Variants in PARD3B observed in about 807,000 individuals in gnomAD.
The protein encoded by PARD3B is par-3 family cell polarity regulator beta.
Under a neutral mutation model 130.2 loss-of-function variants are expected in PARD3B, and 103 were observed. That is an observed-to-expected ratio of 0.79 (90% CI 0.67 to 0.93). PARD3B has a LOEUF of 0.93. PARD3B is among the 40% of genes least tolerant of loss of function. The pLI is 0.00. For missense variants in PARD3B, 1,609 were observed against 1,499.2 expected (o/e 1.07, Z -1.21); for synonymous variants, 583 against 553.2 (o/e 1.05, Z -0.76).
At chr2:204,822,302 A>G (rs1047458382) in intron 2 of PARD3B, among the ~76,000 whole-genome samples, 3 of 152,242 alleles carry the variant, frequency 2.0e-5, no homozygotes, top group Non-Finnish European at 4.4e-5. Context: ...CAATCTTATG[A>G]TGAAACTATA....
intron 18 of PARD3B, among the ~76,000 whole-genome samples, chr2:205,382,291 A>T (rs544096141): frequency 3.3e-5 from 5 of 152,062 alleles, no homozygotes; most frequent in African/African-American, 1.2e-4. Flanking sequence ...GTTATTTTGT[A>T]AAATGTCACT....
chr2:205,202,095 A>G (rs1305262071), intron 15 of PARD3B, among the ~76,000 whole-genome samples: 2 of 152,190 alleles, frequency 1.3e-5, no homozygotes, highest in South Asian at 4.1e-4. Flanking sequence ...CTTTCAAAAC[A>G]TTAAGAAAAC....
intron 2 of PARD3B, among the ~76,000 whole-genome samples, chr2:204,714,894 C>T (rs2038646273): frequency 6.6e-6 from 1 of 152,108 alleles, no homozygotes; most frequent in South Asian, 2.1e-4. Context: ...TCATTTTAAG[C>T]TATACAACAG....
At chr2:204,704,747 A>T (rs1015929006) in intron 2 of PARD3B, among the ~76,000 whole-genome samples, 19 of 151,966 alleles carry the variant, frequency 1.3e-4, no homozygotes, top group Non-Finnish European at 2.6e-4. Context: ...GGGGCCACTA[A>T]TTTTTTTCCT....
intron 2 of PARD3B, among the ~76,000 whole-genome samples, chr2:204,824,517 CTCTATTT>C (rs1440753819): frequency 6.6e-6 from 1 of 152,126 alleles, no homozygotes; most frequent in Non-Finnish European, 1.5e-5. Context: ...CTTGAACTAT[CTCTATTT>C]GAGTACATCA....
chr2:205,429,407 T>TC (rs2047252614), intron 19 of PARD3B, among the ~76,000 whole-genome samples: 1 of 152,172 alleles, frequency 6.6e-6, no homozygotes, highest in Non-Finnish European at 1.5e-5. Context: ...TGCAGAAGAA[T>TC]CCCAGCTAAT....
intron 18 of PARD3B, among the ~76,000 whole-genome samples, chr2:205,365,808 G>C (rs1016382305): frequency 1.3e-5 from 2 of 152,024 alleles, no homozygotes; most frequent in Non-Finnish European, 2.9e-5. Flanking sequence ...TTTAAGATAG[G>C]CTTCAGATGA....
chr2:205,410,965 T>G (rs866598469), intron 19 of PARD3B, among the ~76,000 whole-genome samples: 7 of 152,158 alleles, frequency 4.6e-5, no homozygotes, highest in South Asian at 2.1e-4. Flanking sequence ...ATTTACAAAC[T>G]CCAAACTTTG....
At chr2:205,048,224 A>C (rs963093865) in intron 4 of PARD3B, 2 of 152,226 alleles carry the variant, frequency 1.3e-5, no homozygotes, top group Non-Finnish European at 2.9e-5. Context: ...GTACATTTTC[A>C]AGCTCCCAAT....
At chr2:205,331,504 G>A (rs568741222) in intron 18 of PARD3B, among the ~76,000 whole-genome samples, 30 of 152,032 alleles carry the variant, frequency 2.0e-4, no homozygotes, top group Middle Eastern at 3.4e-3. Flanking sequence ...GTGTTGGGCC[G>A]GGCGTGGTGG....
chr2:204,807,964 TG>T (rs1429019018), intron 2 of PARD3B, among the ~76,000 whole-genome samples: 1 of 151,974 alleles, frequency 6.6e-6, no homozygotes, highest in East Asian at 1.9e-4. Context: ...AGAGTATAAC[TG>T]GCATGTCTGT....
intron 2 of PARD3B, among the ~76,000 whole-genome samples, chr2:204,928,917 A>C (rs540596578): frequency 6.6e-6 from 1 of 152,250 alleles, no homozygotes; most frequent in African/African-American, 2.4e-5. Flanking sequence ...ACAGTATCTT[A>C]GATGAAAATA....
At chr2:205,062,233 CAATGTATGATAA>C (rs1416213224) in intron 4 of PARD3B, among the ~76,000 whole-genome samples, 1 of 151,958 alleles carries the variant, frequency 6.6e-6, no homozygotes, top group Non-Finnish European at 1.5e-5. Context: ...ATTTTTAAAG[CAATGTATGATAA>C]TACGTTCGTT....
At chr2:204,988,354 G>A (rs1411017748) in intron 3 of PARD3B, among the ~76,000 whole-genome samples, 2 of 152,228 alleles carry the variant, frequency 1.3e-5, no homozygotes, top group East Asian at 1.9e-4. Context: ...AGGTAGTGGG[G>A]GGCATGTGGA....
chr2:204,553,398 G>A (rs2030615200), intron 1 of PARD3B, among the ~76,000 whole-genome samples: 1 of 151,438 alleles, frequency 6.6e-6, no homozygotes, highest in Non-Finnish European at 1.5e-5. Flanking sequence ...CCCACTACTG[G>A]GTATCTACCT....
intron 21 of PARD3B, among the ~76,000 whole-genome samples, chr2:205,522,726 A>ATTAT (rs2051133582): frequency 6.6e-6 from 1 of 152,142 alleles, no homozygotes. Context: ...GTCAGCACCG[A>ATTAT]TTATTATACA....
chr2:204,763,783 T>G (rs2041012257), intron 2 of PARD3B, among the ~76,000 whole-genome samples: 1 of 152,236 alleles, frequency 6.6e-6, no homozygotes, highest in African/African-American at 2.4e-5. Flanking sequence ...ATATATGTGA[T>G]AAATGCACTG....
At chr2:204,915,895 TA>T in intron 2 of PARD3B, among the ~76,000 whole-genome samples, 1 of 152,332 alleles carries the variant, frequency 6.6e-6, no homozygotes, top group South Asian at 2.1e-4. Flanking sequence ...ATGGAATAAT[TA>T]AAAATTCATT....
intron 1 of PARD3B, among the ~76,000 whole-genome samples, chr2:204,609,993 T>C (rs947336541): frequency 6.6e-6 from 1 of 152,200 alleles, no homozygotes; most frequent in African/African-American, 2.4e-5. Flanking sequence ...AGGGTCTACA[T>C]GTGACTCTAT....
Sources: gnomAD v4.1 joint callset for allele counts (sites outside exome capture counted in the v4.1 genomes callset) on GRCh38, gnomAD v4.1.1 for gene constraint, MANE v1.5 for transcripts, NCBI Gene and HGNC (gene_info 2026-07-23, HGNC 2026-07-21) for gene names.